Variants in IQCM observed in about 807,000 individuals in gnomAD.
IQCM encodes IQ domain-containing protein M.
Under a neutral mutation model 57.6 loss-of-function variants are expected in IQCM, and 45 were observed. The observed-to-expected ratio is 0.78, with a 90% CI of 0.62 to 1.00. The LOEUF (loss-of-function observed/expected upper bound fraction) is 1.00, where lower values mean the gene tolerates loss of function less well. IQCM is among the 50% of genes least tolerant of loss of function. The pLI is 0.00. For synonymous variants in IQCM, 148 were observed against 158.9 expected (o/e 0.93, Z 0.51); for missense variants, 468 against 511.6 (o/e 0.91, Z 0.82).
At chr4:149,726,127 GAAAGAAAGAAAGA>G (rs1383676182) in intron 5 of IQCM, among the ~76,000 whole-genome samples, 4 of 142,176 alleles carry the variant, frequency 2.8e-5, no homozygotes, top group Non-Finnish European at 6.3e-5. Flanking sequence ...AAGAAAGAAA[GAAAGAAAGAAAGA>G]AAAGAAAGAA....
intron 2 of IQCM, among the ~76,000 whole-genome samples, chr4:149,778,236 C>T (rs1373084877): frequency 6.6e-6 from 1 of 152,174 alleles, no homozygotes; most frequent in East Asian, 1.9e-4. Flanking sequence ...ATTAGCCAGG[C>T]GTGGTCGCAG....
intron 12 of IQCM, among the ~76,000 whole-genome samples, chr4:149,496,566 C>T (rs1326188640): frequency 6.6e-6 from 1 of 151,998 alleles, no homozygotes; most frequent in Non-Finnish European, 1.5e-5. Context: ...GAGGAAGAGG[C>T]CATCAGCCCA....
chr4:149,510,282 T>C (rs559768210), intron 12 of IQCM, among the ~76,000 whole-genome samples: 1 of 152,300 alleles, frequency 6.6e-6, no homozygotes, highest in Admixed American at 6.5e-5. Flanking sequence ...TCTGGGAAAT[T>C]CTTTATAATA....
At chr4:149,784,123 G>A (rs1311060046) in intron 2 of IQCM, among the ~76,000 whole-genome samples, 1 of 152,168 alleles carries the variant, frequency 6.6e-6, no homozygotes, top group Admixed American at 6.5e-5. Flanking sequence ...GTATTACACA[G>A]CAATAGAAAA....
intron 7 of IQCM, among the ~76,000 whole-genome samples, chr4:149,633,430 T>G (rs577377232): frequency 6.6e-6 from 1 of 152,178 alleles, no homozygotes; most frequent in South Asian, 2.1e-4. Context: ...TTCTGAATAT[T>G]AATGCTTTAG....
In IQCM at chr4:149,352,016, A is replaced by G; in HGVS notation, c.1441T>C (p.Leu481=). The G allele has an allele frequency of 7.5e-6, 3 of 398,960 alleles. No individual in the cohort carries two copies. Among genetic ancestry groups the G allele is most frequent in the Non-Finnish European group, 1.3e-5 (3 of 226,012 alleles). The allele number at this position is 398,960 out of a possible 1,614,324, so 24.7% of individuals were successfully genotyped here. Residue 481 remains leucine, a synonymous_variant, in exon 14 of 14, where the codon TTG becomes CTG. Coordinates refer to ENST00000636793, the MANE Select transcript of IQCM (RefSeq NM_001363507.2). ...CTTTCTCTTATGGATCGGGCCACCA[A>G]CTTTCCAACAACCCGGATGTTAGCT... is the stretch of plus-strand genomic sequence containing the variant. ...KRANIRVVGK[L]VARSIRERKM... is the part of the protein sequence containing the mutation.
At chr4:149,637,832 G>A in intron 7 of IQCM, among the ~76,000 whole-genome samples, 1 of 152,168 alleles carries the variant, frequency 6.6e-6, no homozygotes, top group East Asian at 1.9e-4. Context: ...GTTTGAGGTG[G>A]CTCATAGGTC....
chr4:149,744,689 A>C (rs1767761637), intron 2 of IQCM, among the ~76,000 whole-genome samples: 1 of 152,042 alleles, frequency 6.6e-6, no homozygotes, highest in Non-Finnish European at 1.5e-5. Flanking sequence ...AATGACACAA[A>C]ATATCAGCAA....
intron 7 of IQCM, among the ~76,000 whole-genome samples, chr4:149,671,215 G>T (rs1437763002): frequency 6.6e-6 from 1 of 152,088 alleles, no homozygotes; most frequent in African/African-American, 2.4e-5. Flanking sequence ...TCTTGGGAGG[G>T]TGTGTGTGTC....
At chr4:149,395,637 C>T (rs1326832142) in intron 13 of IQCM, among the ~76,000 whole-genome samples, 1 of 151,906 alleles carries the variant, frequency 6.6e-6, no homozygotes, top group Non-Finnish European at 1.5e-5. Context: ...GTTGTCTTTG[C>T]CAAAGAAAAA....
chr4:149,653,712 C>T lies in IQCM; in HGVS notation c.565+28406G>A, dbSNP rs28697888. ...CACATTTACCAAAATGGTCATACATCGAAATGTGGACCTGTACATTTAGAG... is the reference window on the plus strand; with the variant it reads ...CACATTTACCAAAATGGTCATACATTGAAATGTGGACCTGTACATTTAGAG... On this transcript the variant is annotated intron_variant, in intron 7 of 13. Coordinates refer to ENST00000636793, the MANE Select transcript of IQCM (RefSeq NM_001363507.2). 9.8e-3 allele frequency among the ~76,000 whole-genome samples: 1,489 copies of T among 152,094 alleles called. 30 individuals are homozygous for T. The highest frequency in any genetic ancestry group is 0.034 in the African/African-American group (1,410 of 41,512).
At chr4:149,572,854 C>T (rs937357755) in intron 9 of IQCM, among the ~76,000 whole-genome samples, 1 of 151,842 alleles carries the variant, frequency 6.6e-6, no homozygotes, top group Admixed American at 6.6e-5. Flanking sequence ...CTATAAAATT[C>T]CAGAGAAAGT....
intron 5 of IQCM, among the ~76,000 whole-genome samples, chr4:149,698,588 A>C (rs1286948011): frequency 6.6e-6 from 1 of 152,124 alleles, no homozygotes; most frequent in Non-Finnish European, 1.5e-5. Context: ...TACTACAAAA[A>C]CGTAACTATT....
At chr4:149,396,343 A>T (rs945843324) in intron 13 of IQCM, among the ~76,000 whole-genome samples, 5 of 151,728 alleles carry the variant, frequency 3.3e-5, no homozygotes, top group Admixed American at 3.3e-4. Flanking sequence ...TATTTTATAT[A>T]AGAAAATTTT....
At chr4:149,406,934 G>A (rs552621219) in intron 13 of IQCM, among the ~76,000 whole-genome samples, 58 of 152,054 alleles carry the variant, frequency 3.8e-4, no homozygotes, top group Non-Finnish European at 4.9e-4. Context: ...GGTGGAAGGC[G>A]AAAGGCACGT....
intron 8 of IQCM, among the ~76,000 whole-genome samples, chr4:149,589,067 C>A (rs1752891370): frequency 6.6e-6 from 1 of 151,954 alleles, no homozygotes; most frequent in Non-Finnish European, 1.5e-5. Context: ...CATTGCCTGT[C>A]TGGTCATTCA....
intron 9 of IQCM, among the ~76,000 whole-genome samples, chr4:149,572,993 GA>G (rs933634922): frequency 6.6e-6 from 1 of 151,510 alleles, no homozygotes; most frequent in Non-Finnish European, 1.5e-5. Context: ...TCCTAAGTAT[GA>G]AAAAAGCTAT....
At chr4:149,756,015 G>A (rs1467921556) in intron 2 of IQCM, among the ~76,000 whole-genome samples, 1 of 152,154 alleles carries the variant, frequency 6.6e-6, no homozygotes, top group Non-Finnish European at 1.5e-5. Flanking sequence ...ATAATTGTTT[G>A]GAGGAGAGCT....
At chr4:149,591,902 A>G (rs1292257672) in intron 8 of IQCM, among the ~76,000 whole-genome samples, 1 of 152,124 alleles carries the variant, frequency 6.6e-6, no homozygotes, top group African/African-American at 2.4e-5. Context: ...GAATAGTGCC[A>G]CAATAAACAT....
Sources: allele counts gnomAD v4.1 joint callset (sites outside exome capture counted in the v4.1 genomes callset), GRCh38; gene constraint gnomAD v4.1.1; transcripts MANE v1.5; gene names NCBI Gene and HGNC (gene_info 2026-07-23, HGNC 2026-07-21).